CXCL13: variants seen among roughly 807,000 people sequenced by gnomAD.
The protein encoded by CXCL13 is C-X-C motif chemokine ligand 13, also known as C-X-C motif chemokine 13.
Under a neutral mutation model 12.2 loss-of-function variants are expected in CXCL13, and 7 were observed. The observed-to-expected ratio is 0.57, with a 90% CI of 0.33 to 1.07. The LOEUF (loss-of-function observed/expected upper bound fraction) is 1.07, where lower values mean the gene tolerates loss of function less well. CXCL13 is among the 50% of genes least tolerant of loss of function. CXCL13 has a pLI of 0.04. For missense variants in CXCL13, 113 were observed against 127.4 expected, an observed-to-expected ratio of 0.89 and a Z score of 0.55; for synonymous variants, 47 against 42.4, an observed-to-expected ratio of 1.11 and a Z score of -0.42.
intron 1 of CXCL13, among the ~76,000 whole-genome samples, chr4:77,551,093 C>T (rs1377588837): frequency 6.6e-6 from 1 of 152,146 alleles, no homozygotes; most frequent in Non-Finnish European, 1.5e-5. Flanking sequence ...CCACCCTGTG[C>T]CTTTTAAGTG....
intron 1 of CXCL13, among the ~76,000 whole-genome samples, chr4:77,591,411 C>G (rs774971075): frequency 1.8e-4 from 27 of 151,660 alleles, no homozygotes; most frequent in Admixed American, 5.9e-4. Context: ...ATTAGCCAGG[C>G]GTGGTGGCAG....
intron 1 of CXCL13, among the ~76,000 whole-genome samples, chr4:77,515,572 G>A (rs1724394104): frequency 6.6e-6 from 1 of 152,126 alleles, no homozygotes; most frequent in East Asian, 1.9e-4. Flanking sequence ...TGAAGCAATT[G>A]TGAATGGGAG....
At chr4:77,519,387 C>G (rs947853354) in intron 1 of CXCL13, among the ~76,000 whole-genome samples, 1 of 152,184 alleles carries the variant, frequency 6.6e-6, no homozygotes, top group African/African-American at 2.4e-5. Context: ...TAGACCGGAG[C>G]TGTTCCTATT....
rs142583207 is a variant in CXCL13, at chr4:77,550,368, A to G, written c.-43+38580A>G. On this transcript the variant is annotated intron_variant, in intron 1 of 4. Coordinates refer to the CXCL13 transcript ENST00000286758. ...TGCTCCCACTGTCCAGCCAGTCCCA[A>G]TGAGACGAACCCAGTATCCCAGTTG... Among the ~76,000 whole-genome samples the G allele has an allele frequency of 5.9e-5, 9 of 152,284 alleles. No individual in the cohort carries two copies. In the East Asian group the frequency reaches 1.4e-3, roughly 23 times the overall value.
At chr4:77,594,255 C>T (rs1424044712) in intron 1 of CXCL13, among the ~76,000 whole-genome samples, 1 of 152,136 alleles carries the variant, frequency 6.6e-6, no homozygotes, top group Admixed American at 6.5e-5. Context: ...CAACTTGCTT[C>T]AAGTCCATAG....
intron 1 of CXCL13, among the ~76,000 whole-genome samples, chr4:77,597,453 C>A (rs983119190): frequency 6.6e-6 from 1 of 151,958 alleles, no homozygotes; most frequent in African/African-American, 2.4e-5. Context: ...TTTTGTTGAA[C>A]CTGGATGTAA....
chr4:77,515,525 C>T (rs2110077332), intron 1 of CXCL13, among the ~76,000 whole-genome samples: 1 of 152,264 alleles, frequency 6.6e-6, no homozygotes, highest in South Asian at 2.1e-4. Flanking sequence ...TCCTTCACAT[C>T]CCTTATAAGG....
chr4:77,574,015 A>G (rs1456784818), intron 1 of CXCL13, among the ~76,000 whole-genome samples: 1 of 151,982 alleles, frequency 6.6e-6, no homozygotes, highest in African/African-American at 2.4e-5. Context: ...GAGGAAAACA[A>G]AGGGCTTGCT....
chr4:77,527,958 T>C (rs1724808950), intron 1 of CXCL13, among the ~76,000 whole-genome samples: 1 of 151,834 alleles, frequency 6.6e-6, no homozygotes, highest in African/African-American at 2.4e-5. Context: ...GGCCCTGGTG[T>C]GTGATGTTCC....
intron 1 of CXCL13, among the ~76,000 whole-genome samples, chr4:77,562,870 A>T (rs1725845797): frequency 6.6e-6 from 1 of 152,174 alleles, no homozygotes; most frequent in Admixed American, 6.5e-5. Context: ...AAACACACCA[A>T]TCAGCTCTCT....
chr4:77,547,516 T>C (rs2109804865), intron 1 of CXCL13, among the ~76,000 whole-genome samples: 1 of 152,334 alleles, frequency 6.6e-6, no homozygotes, highest in East Asian at 1.9e-4. Flanking sequence ...TGATCTTTGT[T>C]GGTTTAAAGT....
intron 1 of CXCL13, 140 bp from the exon 2 acceptor site, chr4:77,607,563 A>G (rs548712193): frequency 1.4e-6 from 1 of 695,830 alleles, no homozygotes; most frequent in South Asian, 2.3e-5. Context: ...AGAAATATAC[A>G]AACTAAAGAC....
chr4:77,583,840 G>A (rs895514058), intron 1 of CXCL13, among the ~76,000 whole-genome samples: 5 of 152,150 alleles, frequency 3.3e-5, no homozygotes, highest in African/African-American at 1.2e-4. Context: ...ACTCTTCATG[G>A]GCTAGGTGAG....
At chr4:77,571,890 C>T (rs1726092769) in intron 1 of CXCL13, among the ~76,000 whole-genome samples, 2 of 151,728 alleles carry the variant, frequency 1.3e-5, no homozygotes, top group South Asian at 4.1e-4. Context: ...CCCTGCGAGC[C>T]CACGAGCCCA....
At chr4:77,594,211 G>C (rs1391037884) in intron 1 of CXCL13, among the ~76,000 whole-genome samples, 1 of 152,180 alleles carries the variant, frequency 6.6e-6, no homozygotes, top group African/African-American at 2.4e-5. Context: ...GCCAGAGTCA[G>C]TCATGCAGAG....
intron 1 of CXCL13, among the ~76,000 whole-genome samples, chr4:77,547,873 GT>G (rs1405482696): frequency 2.0e-5 from 3 of 152,144 alleles, no homozygotes; most frequent in Admixed American, 6.5e-5. Context: ...GCTGGTACAG[GT>G]TTTTCCTTTC....
At chr4:77,591,485 A>G (rs1028778410) in intron 1 of CXCL13, among the ~76,000 whole-genome samples, 3 of 142,890 alleles carry the variant, frequency 2.1e-5, no homozygotes, top group Admixed American at 1.5e-4. Flanking sequence ...CGGGAGGCGG[A>G]GCTTGCAGTG....
intron 1 of CXCL13, among the ~76,000 whole-genome samples, chr4:77,574,022 T>G (rs962167135): frequency 6.6e-6 from 1 of 152,002 alleles, no homozygotes; most frequent in Non-Finnish European, 1.5e-5. Context: ...ACAAAGGGCT[T>G]GCTTAAAAGC....
Position 77,605,836 on chromosome 4 carries a change from G to C in CXCL13, c.-30G>C, listed in dbSNP as rs1019839507. On this transcript the variant is annotated 5_prime_UTR_variant, in exon 1 of 4. Transcript: ENST00000682537. ...TGCAAACCCACAGCCTGGACTCAGA[G>C]CTCAAGTCTGAACTCTACCTCCAGA... is the stretch of plus-strand genomic sequence containing the variant. 1 of 1,543,298 alleles carries C rather than the reference G, an allele frequency of 6.5e-7. No homozygotes were observed. The highest frequency in any genetic ancestry group is 1.7e-5 in the Admixed American group (1 of 58,176).
Sources: gnomAD v4.1 joint callset for allele counts (sites outside exome capture counted in the v4.1 genomes callset) on GRCh38, gnomAD v4.1.1 for gene constraint, MANE v1.5 for transcripts, NCBI Gene and HGNC (gene_info 2026-07-23, HGNC 2026-07-21) for gene names.